The following SNX29 variants were observed in gnomAD, a reference collection of about 807,000 sequenced individuals.
SNX29 encodes the protein sorting nexin-29.
Under a neutral mutation model 102.1 loss-of-function variants are expected in SNX29, and 78 were observed. That is an observed-to-expected ratio of 0.76 (90% CI 0.64 to 0.92). The LOEUF (loss-of-function observed/expected upper bound fraction) is 0.92, where lower values mean the gene tolerates loss of function less well. Among genes scored for constraint, SNX29 ranks in the 40% least tolerant of loss-of-function variants. The pLI is 0.00. For synonymous variants in SNX29, 580 were observed against 414.5 expected (o/e 1.40, Z -4.85); for missense variants, 1,280 against 1,061.7 (o/e 1.21, Z -2.86).
Position 12,488,721 on chromosome 16 carries a change from C to T in SNX29, c.2178+10862C>T, listed in dbSNP as rs966809479. On this transcript the variant is annotated intron_variant, in intron 19 of 20. Coordinates refer to ENST00000566228, the MANE Select transcript of SNX29 (RefSeq NM_032167.5). ...CCCATGTGGCGCCATCTCACCTGCC[C>T]GCTGGACATTGACCAGCTGATACTT... Among the ~76,000 whole-genome samples, 7 of 152,132 alleles carry T rather than the reference C, an allele frequency of 4.6e-5. No homozygotes were observed. The East Asian group carries it at 9.6e-4, about 21-fold the overall frequency.
intron 11 of SNX29, among the ~76,000 whole-genome samples, chr16:12,125,164 G>T (rs2054150871): frequency 1.3e-5 from 2 of 152,138 alleles, no homozygotes; most frequent in South Asian, 4.1e-4. Context: ...CCCAAAAAGA[G>T]TCACAAAACA....
intron 19 of SNX29, among the ~76,000 whole-genome samples, chr16:12,482,632 C>G (rs945764329): frequency 2.6e-5 from 4 of 152,212 alleles, no homozygotes; most frequent in African/African-American, 9.7e-5. Context: ...TGCCTTGTTA[C>G]TCTTAAGCCT....
At chr16:12,172,834 G>C (rs373836292) in intron 13 of SNX29, among the ~76,000 whole-genome samples, 1 of 152,230 alleles carries the variant, frequency 6.6e-6, no homozygotes, top group African/African-American at 2.4e-5. Flanking sequence ...GCAGGGGTCA[G>C]TCAGTGTTCT....
chr16:12,033,136 C>T (rs1289182885), intron 4 of SNX29, among the ~76,000 whole-genome samples: 3 of 151,668 alleles, frequency 2.0e-5, no homozygotes, highest in East Asian at 3.9e-4. Context: ...AGTACAGGTG[C>T]GAGCCACTGT....
intron 15 of SNX29, among the ~76,000 whole-genome samples, chr16:12,281,197 T>A (rs964695984): frequency 1.3e-5 from 2 of 152,336 alleles, no homozygotes; most frequent in African/African-American, 2.4e-5. Flanking sequence ...CACAAGTGTA[T>A]GCCATTGTGC....
At chr16:12,219,431 T>C (rs2077417123) in intron 14 of SNX29, among the ~76,000 whole-genome samples, 1 of 152,194 alleles carries the variant, frequency 6.6e-6, no homozygotes, top group African/African-American at 2.4e-5. Flanking sequence ...CGTTCTCATG[T>C]TTTATGTCCT....
At chr16:12,147,649 C>T (rs896379957) in intron 13 of SNX29, among the ~76,000 whole-genome samples, 28 of 152,310 alleles carry the variant, frequency 1.8e-4, no homozygotes, top group East Asian at 1.9e-4. Context: ...TCCAAGGAGC[C>T]GCAGCCCGTG....
chr16:12,256,438 C>T (rs1374993709), intron 14 of SNX29, among the ~76,000 whole-genome samples: 1 of 152,146 alleles, frequency 6.6e-6, no homozygotes, highest in African/African-American at 2.4e-5. Context: ...GGCGATTCTC[C>T]TGCCTCAGCT....
rs2052861985 is a variant in SNX29 at position 12,098,455 on chromosome 16, G to T, written c.1402+19540G>T. 3.9e-5 allele frequency among the ~76,000 whole-genome samples: 6 copies of T among 152,282 alleles called. 1 individual carries two copies. The South Asian group carries it at 1.2e-3, about 32-fold the overall frequency. ...GTTGGGCATACTGGAGCTCCCACTT[G>T]CAGTGGCCACCGCGTGCCCTTTGAT... On this transcript the variant is annotated intron_variant, in intron 11 of 20. Transcript: ENST00000566228. This position sits in a 1 kb window ranked among gnomAD's most constrained non-coding sequence, Gnocchi z 6.0.
intron 11 of SNX29, among the ~76,000 whole-genome samples, chr16:12,125,168 C>G (rs1457651902): frequency 6.6e-6 from 1 of 152,082 alleles, no homozygotes; most frequent in Non-Finnish European, 1.5e-5. Context: ...AAAAGAGTCA[C>G]AAAACAGCCA....
intron 19 of SNX29, among the ~76,000 whole-genome samples, chr16:12,496,850 A>C (rs1197289966): frequency 6.6e-6 from 1 of 151,986 alleles, no homozygotes; most frequent in South Asian, 2.1e-4. Context: ...CTGAGCTTTG[A>C]ATAATTAAGT....
Position 12,559,124 on chromosome 16 carries a change from G to T in SNX29, c.2319-9382G>T, listed in dbSNP as rs180816653. ...ATGAGTAGTAGTCAAATCAGGCTTG[G>T]ATCCCTCTTCTGGTCCCCAACCCCT... On this transcript the variant is annotated intron_variant, in intron 20 of 20. Coordinates refer to ENST00000566228, the MANE Select transcript of SNX29 (RefSeq NM_032167.5). Among the ~76,000 whole-genome samples, 192 of 152,204 alleles carry T rather than the reference G, an allele frequency of 1.3e-3. 4 individuals are homozygous for T. Among genetic ancestry groups the T allele is most frequent in the Non-Finnish European group, 1.0e-4 (7 of 68,002 alleles).
intron 15 of SNX29, among the ~76,000 whole-genome samples, chr16:12,345,465 A>T (rs1002586026): frequency 2.0e-5 from 3 of 152,208 alleles, no homozygotes; most frequent in African/African-American, 7.2e-5. Flanking sequence ...AGCTCTATCT[A>T]GCCGTGCTCC....
At chr16:12,007,398 G>A (rs1369497417) in intron 3 of SNX29, among the ~76,000 whole-genome samples, 3 of 152,120 alleles carry the variant, frequency 2.0e-5, no homozygotes, top group African/African-American at 7.2e-5. Flanking sequence ...CCAGCTACTC[G>A]GGAGGCTGAG....
At chr16:12,459,903 AAG>A (rs2086705860) in intron 18 of SNX29, among the ~76,000 whole-genome samples, 1 of 152,184 alleles carries the variant, frequency 6.6e-6, no homozygotes, top group Non-Finnish European at 1.5e-5. Context: ...GTCTGTGACT[AAG>A]AAGATAGAAG....
Position 12,373,178 on chromosome 16 carries a change from A to C in SNX29, c.1899+16899A>C, listed in dbSNP as rs371823129. The C allele has an allele frequency of 3.9e-5, 6 of 152,290 alleles. No individual in the cohort carries two copies. The East Asian group carries it at 9.6e-4, about 24-fold the overall frequency. The allele number at this position is 152,290 out of a possible 1,614,324, so 9.4% of individuals were successfully genotyped here. ...GAGACAGTCTCGCTGTGTTGCCCAG[A>C]CTGGAGTGCAGTGGTGCAGTCATAG... On this transcript the variant is annotated intron_variant, in intron 16 of 20. Coordinates refer to ENST00000566228, the MANE Select transcript of SNX29 (RefSeq NM_032167.5).
intron 14 of SNX29, among the ~76,000 whole-genome samples, chr16:12,270,740 C>G (rs1159100235): frequency 6.6e-6 from 1 of 152,028 alleles, no homozygotes; most frequent in East Asian, 1.9e-4. Context: ...CTAACTCAGT[C>G]TAATTTAAAG....
intron 9 of SNX29, among the ~76,000 whole-genome samples, chr16:12,068,697 A>C (rs1296601292): frequency 6.6e-6 from 1 of 152,104 alleles, no homozygotes; most frequent in East Asian, 1.9e-4. Flanking sequence ...GTCGTGCACC[A>C]ACACGCCCAG....
In SNX29 at chr16:12,461,860, G is replaced by A. The variant is rs1245435775; in HGVS notation, c.2038-15859G>A. Reference sequence around the variant, plus strand: ...AATCCCAGCTACTGTGGAGGCTGAGGCAGGAGAATCACTTGAACATGGGAG... The same window carrying A: ...AATCCCAGCTACTGTGGAGGCTGAGACAGGAGAATCACTTGAACATGGGAG... On this transcript the variant is annotated intron_variant, in intron 18 of 20. Coordinates refer to ENST00000566228, the MANE Select transcript of SNX29 (RefSeq NM_032167.5). Among the ~76,000 whole-genome samples, 4 of 148,014 alleles carry A rather than the reference G, an allele frequency of 2.7e-5. No homozygotes were observed. The Admixed American group carries it at 2.7e-4, about 10-fold the overall frequency.
Sources: allele counts gnomAD v4.1 joint callset (sites outside exome capture counted in the v4.1 genomes callset), GRCh38; gene constraint gnomAD v4.1.1; non-coding constraint Gnocchi (gnomAD v3.1); transcripts MANE v1.5; gene names NCBI Gene and HGNC (gene_info 2026-07-23, HGNC 2026-07-21).